The following COL7A1 variants were observed in gnomAD, a reference collection of about 807,000 sequenced individuals.
COL7A1 encodes collagen alpha-1(VII) chain.
COL7A1 carries 296 observed loss-of-function variants against 456.2 expected under a neutral mutation model. The ratio of observed to expected loss-of-function variants is 0.65; its 90% CI spans 0.59 to 0.71. The LOEUF (loss-of-function observed/expected upper bound fraction) is 0.71, where lower values mean the gene tolerates loss of function less well. COL7A1 is among the 30% of genes least tolerant of loss of function. The pLI, the probability that COL7A1 is intolerant of heterozygous loss-of-function variation, is 0.00. For synonymous variants in COL7A1, 1,464 were observed against 1,525.9 expected (o/e 0.96, Z 0.95); for missense variants, 3,441 against 4,017.2 (o/e 0.86, Z 3.88).
chr3:48,574,458 C>T lies in COL7A1; in HGVS notation c.6456+30G>A. The T allele has an allele frequency of 6.2e-7, 1 of 1,614,118 alleles. No homozygotes were observed. On this transcript the variant is annotated intron_variant, in intron 79 of 118. Coordinates refer to ENST00000681320, the MANE Select transcript of COL7A1 (RefSeq NM_000094.4). The surrounding 1 kb of genome is among the most constrained non-coding windows in gnomAD (Gnocchi z 5.0). ...AATACATGTGAGAGCCACCTTCTTG[C>T]ACATGTGTGGCTGTTGGGCAAGGAC...
In COL7A1 at chr3:48,572,379, C is replaced by G. The variant is rs949583485; in HGVS notation, c.6978+1G>C. On this transcript the variant is annotated splice_donor_variant, in intron 90 of 118. Transcript: ENST00000681320. LOFTEE classifies it high-confidence loss of function. This position sits in a 1 kb window ranked among gnomAD's most constrained non-coding sequence, Gnocchi z 4.6. ...TCTGCTGTCAGAAGTTCCCTACTTA[C>G]CGGCTCACCCACCAGGTCTCCAGCA... The G allele has an allele frequency of 1.2e-6, 2 of 1,613,996 alleles. No homozygotes were observed. The highest frequency in any genetic ancestry group is 1.3e-5 in the African/African-American group (1 of 74,886).
chr3:48,589,793 T>C, intron 16 of COL7A1, 75 bp from the exon 17 acceptor site: 4 of 1,605,316 alleles, frequency 2.5e-6, no homozygotes, highest in Non-Finnish European at 2.6e-6. Flanking sequence ...GGGAAGATGA[T>C]GGGAGTCTAA....
chr3:48,581,707 C>G lies in COL7A1; in HGVS notation c.4721G>C (p.Arg1574Pro), dbSNP rs550333338. The G allele has an allele frequency of 6.2e-7, 1 of 1,613,958 alleles. No homozygotes were observed. The highest frequency in any genetic ancestry group is 8.5e-7 in the Non-Finnish European group (1 of 1,180,026). Residue 1574 changes from arginine to proline, a missense_variant and splice_region_variant, in exon 49 of 119, where the codon CGG becomes CCG. Coordinates refer to ENST00000681320, the MANE Select transcript of COL7A1 (RefSeq NM_000094.4). The surrounding 1 kb of genome is among the most constrained non-coding windows in gnomAD (Gnocchi z 5.8). ...PRGATGVQGE[R>P]GPPGLVLPGD... ...CCCTAAACACTTCGCTTCACTTACC[C>G]GTTCCCCTTGGACTCCGGTAGCTCC... is the stretch of plus-strand genomic sequence containing the variant.
Position 48,568,155 on chromosome 3 carries a change from C to T in COL7A1, c.7810G>A (p.Asp2604Asn). The T allele has an allele frequency of 1.2e-6, 2 of 1,613,892 alleles. No individual in the cohort carries two copies. Among genetic ancestry groups the T allele is most frequent in the Non-Finnish European group, 1.7e-6 (2 of 1,180,034 alleles). Residue 2604 changes from aspartate (D) to asparagine (N), a missense_variant, in exon 106 of 119, where the codon GAT (aspartate) becomes AAT (asparagine). By Grantham distance (23) the Asp-to-Asn change is conservative (BLOSUM62 1). Coordinates refer to ENST00000681320, the MANE Select transcript of COL7A1 (RefSeq NM_000094.4). This position sits in a 1 kb window ranked among gnomAD's most constrained non-coding sequence, Gnocchi z 5.2. ...IPGDPGSPGK[D>N]GVPGIRGEKG... is the part of the protein sequence containing the mutation. ...TCTCCTCGGATACCAGGCACTCCAT[C>T]CTTTCCTGGGGATCCCTAGCAGGGA... is the stretch of plus-strand genomic sequence containing the variant.
chr3:48,590,368 G>A lies in COL7A1; in HGVS notation c.1907-12C>T, dbSNP rs781589201. ...GCTGGACTCCGGACCTGAGGTCAGA[G>A]GGAAATGCTGGCATGGCTCCTGCCT... On this transcript the variant is annotated splice_polypyrimidine_tract_variant and intron_variant, in intron 15 of 118. Transcript: ENST00000681320. This position sits in a 1 kb window ranked among gnomAD's most constrained non-coding sequence, Gnocchi z 4.6. 1.9e-6 allele frequency: 3 copies of A among 1,613,942 alleles called. No individual in the cohort carries two copies. Among genetic ancestry groups the A allele is most frequent in the Non-Finnish European group, 2.5e-6 (3 of 1,180,004 alleles).
intron 35 of COL7A1, 83 bp from the exon 36 acceptor site, chr3:48,584,639 C>T: frequency 6.2e-7 from 1 of 1,612,296 alleles, no homozygotes. Context: ...TCCAGCTATT[C>T]CTATTCGCGC....
intron 36 of COL7A1, 53 bp from the exon 37 acceptor site, chr3:48,584,428 C>G (rs2045063914): frequency 6.2e-7 from 1 of 1,613,262 alleles, no homozygotes; most frequent in Non-Finnish European, 8.5e-7. Flanking sequence ...CACTCTCGCC[C>G]CCCTCGTGTT....
In COL7A1 at chr3:48,585,953, A is replaced by G. The variant is rs2045222215; in HGVS notation, c.3746T>C (p.Val1249Ala). 2.5e-6 allele frequency: 4 copies of G among 1,613,860 alleles called. No individual in the cohort carries two copies. The highest frequency in any genetic ancestry group is 2.2e-5 in the East Asian group (1 of 44,900). The change falls in exon 29 of 119, where the codon GTG becomes GCG. Residue 1249 changes from valine (V) to alanine (A), a missense_variant. Val to Ala is a moderately conservative substitution (Grantham distance 64). Coordinates refer to ENST00000681320, the MANE Select transcript of COL7A1 (RefSeq NM_000094.4). This position sits in a 1 kb window ranked among gnomAD's most constrained non-coding sequence, Gnocchi z 4.5. ...TTQPRPEPCP[V>A]YCPKGQKGEP... The stretch of plus-strand genomic sequence containing the variant: ...AGGGACTCTTACCTTTGGACAATAC[A>G]CTGGGCAGGGCTCTGGCCGGGGCTG...
At position 48,586,503 on chromosome 3, in the gene COL7A1, C is replaced by T; in HGVS notation, c.3404-25G>A. 1 of 1,613,734 alleles carries T rather than the reference C, an allele frequency of 6.2e-7. No individual in the cohort carries two copies. Among genetic ancestry groups the T allele is most frequent in the South Asian group, 1.1e-5 (1 of 91,086 alleles). Reference sequence around the variant, plus strand: ...CCTGGAAGGAAGGACATGTCAGAACCCTGGGGCACCAAGCTCCCAGTGGAT... The same window carrying T: ...CCTGGAAGGAAGGACATGTCAGAACTCTGGGGCACCAAGCTCCCAGTGGAT... On this transcript the variant is annotated intron_variant, in intron 26 of 118. Transcript: ENST00000681320. The surrounding 1 kb of genome is among the most constrained non-coding windows in gnomAD (Gnocchi z 5.1).
Position 48,592,751 on chromosome 3 carries a change from C to A in COL7A1, c.846+24G>T, listed in dbSNP as rs747563787. On this transcript the variant is annotated intron_variant, in intron 7 of 118. Transcript: ENST00000681320. The surrounding 1 kb of genome is among the most constrained non-coding windows in gnomAD (Gnocchi z 7.6). ...CTTGCCCAGCCAAGTCCCCAGCCAC[C>A]ACCTATCACTCCTGACATCCTACCT... 1 of 1,613,428 alleles carries A rather than the reference C, an allele frequency of 6.2e-7. No individual in the cohort carries two copies. The highest frequency in any genetic ancestry group is 1.1e-5 in the South Asian group (1 of 91,086).
At chr3:48,589,207 G>C in intron 18 of COL7A1, 120 bp downstream of exon 18, 1 of 1,510,704 alleles carries the variant, frequency 6.6e-7, no homozygotes, top group South Asian at 1.1e-5. Flanking sequence ...GTGTGGGGTG[G>C]GTCAGTGTGG....
At position 48,567,620 on chromosome 3, in the gene COL7A1, G is replaced by A. The variant is rs377015274; in HGVS notation, c.8000C>T (p.Pro2667Leu). 113 of 1,613,722 alleles carry A rather than the reference G, an allele frequency of 7.0e-5. No homozygotes were observed. The highest frequency in any genetic ancestry group is 8.6e-5 in the Non-Finnish European group (101 of 1,179,968). Residue 2667 changes from proline (P) to leucine (L), a missense_variant, in exon 109 of 119, where the codon CCG (proline) becomes CTG (leucine). Pro to Leu is a moderately conservative substitution (Grantham distance 98). Transcript: ENST00000681320. The surrounding 1 kb of genome is among the most constrained non-coding windows in gnomAD (Gnocchi z 4.3). Reference protein sequence around the residue: ...HKGEMGEPGVPGQSGAPGKEG... With the variant: ...HKGEMGEPGVLGQSGAPGKEG... ...CTTGCCAGGGGCCCCCGACTGGCCCGGCACACCAGGCTCCCCCTGGAGAAA... is the reference window on the plus strand; with the variant it reads ...CTTGCCAGGGGCCCCCGACTGGCCCAGCACACCAGGCTCCCCCTGGAGAAA...
rs1575449002 is a variant in COL7A1 at position 48,578,647 on chromosome 3, A to G, written c.5425-132T>C. ...CCCAGGACTGAGAGGTCCCATTGAG[A>G]TCCCTCAGGCACAGACCCCATGGAT... On this transcript the variant is annotated intron_variant, in intron 63 of 118. Coordinates refer to ENST00000681320, the MANE Select transcript of COL7A1 (RefSeq NM_000094.4). This position sits in a 1 kb window ranked among gnomAD's most constrained non-coding sequence, Gnocchi z 4.7. The G allele has an allele frequency of 3.6e-6, 4 of 1,107,780 alleles. No homozygotes were observed. The highest frequency in any genetic ancestry group is 5.1e-5 in the East Asian group (2 of 38,966). 68.6% of individuals were successfully genotyped at this position (1,107,780 alleles called of 1,614,324 possible). A position where few individuals can be genotyped will look rare whatever the true frequency, so the allele number is the denominator to read the frequency against.
Position 48,575,536 on chromosome 3 carries a change from G to A in COL7A1, c.5983C>T (p.Pro1995Ser), listed in dbSNP as rs774985279. 1.9e-6 allele frequency: 3 copies of A among 1,612,714 alleles called. No individual in the cohort carries two copies. Among genetic ancestry groups the A allele is most frequent in the Non-Finnish European group, 1.7e-6 (2 of 1,179,948 alleles). ...CCGCGTTCTCCAGGAAAGCCGATGG[G>A]GCCCTGCAGGAGTGGAAGAGAGAAT... ...GEQGPPGKEG[P>S]IGFPGERGLK... The change falls in exon 74 of 119, where the codon CCC becomes TCC. Residue 1995 changes from proline to serine, a missense_variant. Pro to Ser is a moderately conservative substitution (Grantham distance 74, BLOSUM62 -1). This residue lies in a region of COL7A1 where 2,084 missense variants were observed against 2,501.3 expected (regional missense o/e 0.83). Transcript: ENST00000681320. The surrounding 1 kb of genome is among the most constrained non-coding windows in gnomAD (Gnocchi z 6.3).
Position 48,572,546 on chromosome 3 carries a change from G to A in COL7A1, c.6901-8C>T, listed in dbSNP as rs1476352501. On this transcript the variant is annotated splice_region_variant and splice_polypyrimidine_tract_variant and intron_variant, in intron 88 of 118. Coordinates refer to ENST00000681320, the MANE Select transcript of COL7A1 (RefSeq NM_000094.4). This position sits in a 1 kb window ranked among gnomAD's most constrained non-coding sequence, Gnocchi z 4.6. ...AGGGAGCCCGACCACAGCCTGTGGG[G>A]AATGCTAGTGAGTTTCCTCCTCCTC... 3.7e-6 allele frequency: 6 copies of A among 1,613,670 alleles called. No individual in the cohort carries two copies. The South Asian group carries it at 5.5e-5, about 15-fold the overall frequency.
rs1370750972 is a variant in COL7A1 at position 48,583,151 on chromosome 3, C to T, written c.4458G>A (p.Gly1486=). The change falls in exon 43 of 119, where the codon GGG becomes GGA. Residue 1486 remains glycine (G), a synonymous_variant. Transcript: ENST00000681320. The surrounding 1 kb of genome is among the most constrained non-coding windows in gnomAD (Gnocchi z 5.1). ...CCTTCTCTCCAGCCTCACCCAGGGG[C>T]CCTGGAAAGCCCCGGTCACCCTGAA... ...IGPKGDRGFP[G]PLGEAGEKGE... 1.9e-6 allele frequency: 3 copies of T among 1,613,896 alleles called. No individual in the cohort carries two copies. Among genetic ancestry groups the T allele is most frequent in the East Asian group, 4.5e-5 (2 of 44,878 alleles).
In COL7A1 at chr3:48,586,659, A is replaced by G; in HGVS notation, c.3307T>C (p.Ser1103Pro). The G allele has an allele frequency of 6.2e-7, 1 of 1,609,214 alleles. No individual in the cohort carries two copies. The highest frequency in any genetic ancestry group is 1.1e-5 in the South Asian group (1 of 90,544). ...GAGCCATTCAGTGGGAACAGTGGGG[A>G]GGGCCGATGACTGTAAGACAGCAGG... ...VGLLSYSHRP[S>P]PLFPLNGSHD... The change falls in exon 26 of 119, where the codon TCC becomes CCC. Residue 1103 changes from serine to proline, a missense_variant. Physicochemically the swap from Ser to Pro is moderately conservative, Grantham distance 74 (BLOSUM62 -1). Transcript: ENST00000681320. This position sits in a 1 kb window ranked among gnomAD's most constrained non-coding sequence, Gnocchi z 5.1.
rs1298071140 is a variant in COL7A1, at chr3:48,564,444, C to T, written c.8819-22G>A. On this transcript the variant is annotated intron_variant, in intron 118 of 118. Transcript: ENST00000681320. The surrounding 1 kb of genome is among the most constrained non-coding windows in gnomAD (Gnocchi z 6.0). ...GTACCTGGTGAGGACAGGTTGGAAA[C>T]GGTCGTCAGCCATCTGACCTTCCCC... 3.7e-6 allele frequency: 6 copies of T among 1,613,720 alleles called. No homozygotes were observed. The highest frequency in any genetic ancestry group is 5.1e-6 in the Non-Finnish European group (6 of 1,179,892).
chr3:48,581,103 CA>C lies in COL7A1; in HGVS notation c.4935+18del. ...TTCAAGGGTAAAGGATCAGAAACCA[CA>C]GTGGGAAGGAGTCTCACCGGAGGAC... On this transcript the variant is annotated intron_variant, in intron 53 of 118. Transcript: ENST00000681320. The surrounding 1 kb of genome is among the most constrained non-coding windows in gnomAD (Gnocchi z 5.8). 6.2e-7 allele frequency: 1 copy of C among 1,613,874 alleles called. No homozygotes were observed. Among genetic ancestry groups the C allele is most frequent in the Middle Eastern group, 1.6e-4 (1 of 6,062 alleles).
Sources: gnomAD v4.1 joint callset for allele counts on GRCh38, gnomAD v4.1.1 for gene constraint, gnomAD v4.1.1 regional missense constraint, Gnocchi (gnomAD v3.1) non-coding constraint, MANE v1.5 for transcripts, NCBI Gene and HGNC (gene_info 2026-07-23, HGNC 2026-07-21) for gene names.